ROCK1: variants seen among roughly 807,000 people sequenced by gnomAD.
ROCK1 encodes Rho associated coiled-coil containing protein kinase 1.
In ROCK1, 36 loss-of-function variants were observed where a neutral mutation model predicts 196.8. That is an observed-to-expected ratio of 0.18 (90% confidence interval 0.14 to 0.24). ROCK1 has a LOEUF of 0.24. Among genes scored for constraint, ROCK1 ranks in the 10% least tolerant of loss-of-function variants. The probability of loss-of-function intolerance (pLI) is 1.00; values close to 1 mark genes in which losing one functional copy is unlikely to be tolerated. For missense variants in ROCK1, 920 were observed against 1,562.0 expected (o/e 0.59, Z 6.93); for synonymous variants, 443 against 515.9 (o/e 0.86, Z 1.91).
chr18:20,979,678 C>T (rs774982871), intron 22 of ROCK1, among the ~76,000 whole-genome samples: 2 of 151,954 alleles, frequency 1.3e-5, no homozygotes, highest in Non-Finnish European at 2.9e-5. Context: ...AATTGTCAAA[C>T]CAACTTTTTG....
At chr18:20,992,308 C>T (rs2035633244) in intron 17 of ROCK1, among the ~76,000 whole-genome samples, 1 of 152,162 alleles carries the variant, frequency 6.6e-6, no homozygotes, top group South Asian at 2.1e-4. Flanking sequence ...AAAGTGACAG[C>T]TGTATCTCTA....
At chr18:21,078,031 C>T (rs1287805146) in intron 1 of ROCK1, among the ~76,000 whole-genome samples, 1 of 152,004 alleles carries the variant, frequency 6.6e-6, no homozygotes, top group Non-Finnish European at 1.5e-5. Flanking sequence ...CAGCCATCAG[C>T]AATAAAAAAC....
intron 13 of ROCK1, among the ~76,000 whole-genome samples, chr18:21,011,247 G>C (rs2035814594): frequency 2.0e-5 from 3 of 151,864 alleles, no homozygotes; most frequent in Admixed American, 6.6e-5. Flanking sequence ...TTTCTTTCCT[G>C]TCTTTCTGTG....
chr18:20,948,241 T>C lies in ROCK1; in HGVS notation c.*3143A>G, dbSNP rs1030685555. The C allele has an allele frequency of 6.6e-6, 1 of 152,168 alleles. No individual in the cohort carries two copies. Among genetic ancestry groups the C allele is most frequent in the Non-Finnish European group, 1.5e-5 (1 of 68,042 alleles). 9.4% of individuals were successfully genotyped at this position (152,168 alleles called of 1,614,324 possible). A position where few individuals can be genotyped will look rare whatever the true frequency, so the allele number is the denominator to read the frequency against. On this transcript the variant is annotated 3_prime_UTR_variant, in exon 33 of 33. Transcript: ENST00000399799. ...TATAAAGTTACAGTAATTAAAAGTG[T>C]GATATTGGCAAGGACACAGAAATAA...
At chr18:20,959,236 A>C (rs1274788228) in intron 29 of ROCK1, among the ~76,000 whole-genome samples, 1 of 100,152 alleles carries the variant, frequency 1.0e-5, no homozygotes, top group Non-Finnish European at 2.0e-5. Context: ...TTTGAGACAG[A>C]GTTTCGCTCT....
intron 2 of ROCK1, among the ~76,000 whole-genome samples, chr18:21,053,258 C>G (rs1331750757): frequency 6.6e-6 from 1 of 151,756 alleles, no homozygotes; most frequent in East Asian, 1.9e-4. Flanking sequence ...CACTCATACA[C>G]TTACATAACA....
chr18:21,106,312 C>CT (rs1303817886), intron 1 of ROCK1, among the ~76,000 whole-genome samples: 21 of 151,962 alleles, frequency 1.4e-4, no homozygotes, highest in East Asian at 1.9e-4. Flanking sequence ...TTTGTTTTTC[C>CT]TTTTTTTTGA....
In ROCK1 at chr18:21,042,586, A is replaced by C; in HGVS notation, c.799T>G (p.Phe267Val). The C allele has an allele frequency of 6.2e-7, 1 of 1,613,852 alleles. No individual in the cohort carries two copies. The highest frequency in any genetic ancestry group is 1.1e-5 in the South Asian group (1 of 91,056). ...RECDWWSVGV[F>V]LYEMLVGDTP... is the part of the protein sequence containing the mutation. ...TCACCTACAAGCATTTCGTATAAAA[A>C]TACCCCAACCGACCACCAGTCACAT... The change falls in exon 7 of 33, where the codon TTT becomes GTT. Residue 267 changes from phenylalanine to valine, a missense_variant. Transcript: ENST00000399799.
intron 16 of ROCK1, among the ~76,000 whole-genome samples, chr18:20,993,273 A>G (rs1399972331): frequency 6.6e-6 from 1 of 152,100 alleles, no homozygotes; most frequent in East Asian, 1.9e-4. Flanking sequence ...GCACAAGCTC[A>G]GCTCACTGCA....
chr18:21,056,500 G>A (rs182220459), intron 2 of ROCK1, among the ~76,000 whole-genome samples: 2 of 152,044 alleles, frequency 1.3e-5, no homozygotes, highest in African/African-American at 4.8e-5. Context: ...TCTGTAATCT[G>A]ATAGCTTCTC....
intron 17 of ROCK1, among the ~76,000 whole-genome samples, chr18:20,991,717 C>T (rs993122369): frequency 6.6e-6 from 1 of 152,026 alleles, no homozygotes; most frequent in Non-Finnish European, 1.5e-5. Flanking sequence ...TCACTGCAGC[C>T]TTGAACTCCT....
intron 1 of ROCK1, among the ~76,000 whole-genome samples, chr18:21,091,015 A>G (rs886632578): frequency 6.6e-6 from 1 of 151,906 alleles, no homozygotes; most frequent in African/African-American, 2.4e-5. Context: ...CTTAAACAAC[A>G]TGAGTTGGAA....
chr18:20,959,047 A>ATT (rs1555743125), intron 29 of ROCK1, among the ~76,000 whole-genome samples: 1 of 49,536 alleles, frequency 2.0e-5, no homozygotes, highest in African/African-American at 1.5e-4. Flanking sequence ...TATAATATAT[A>ATT]ATATATATAT....
rs112006560 is a variant in ROCK1 at position 21,111,337 on chromosome 18, G to A, written c.-427C>T. 0.01 allele frequency: 4,645 copies of A among 446,944 alleles called. 38 individuals carry two copies. The highest frequency in any genetic ancestry group is 0.014 in the Non-Finnish European group (3,666 of 255,264). 27.7% of individuals were successfully genotyped at this position (446,944 alleles called of 1,614,324 possible). ...GCAACAAGGGAGGGAGAAGAGGAAA[G>A]GCGAAAGCAAAGGGCGGGTGAGGAG... On this transcript the variant is annotated 5_prime_UTR_variant, in exon 1 of 33. Coordinates refer to ENST00000399799, the MANE Select transcript of ROCK1 (RefSeq NM_005406.3). The surrounding 1 kb of genome is among the most constrained non-coding windows in gnomAD (Gnocchi z 4.2).
intron 1 of ROCK1, among the ~76,000 whole-genome samples, chr18:21,087,172 A>T (rs1481714694): frequency 1.3e-5 from 2 of 152,190 alleles, no homozygotes; most frequent in Non-Finnish European, 2.9e-5. Flanking sequence ...AGCTATACAA[A>T]GACATATACA....
chr18:21,046,056 A>G (rs917400529), intron 4 of ROCK1, among the ~76,000 whole-genome samples: 11 of 151,900 alleles, frequency 7.2e-5, no homozygotes, highest in East Asian at 5.8e-4. Flanking sequence ...GACTACAGGC[A>G]CCCGCTACCA....
At chr18:21,040,202 GTGT>G (rs1392521139) in intron 8 of ROCK1, among the ~76,000 whole-genome samples, 1 of 152,156 alleles carries the variant, frequency 6.6e-6, no homozygotes, top group African/African-American at 2.4e-5. Context: ...TTGTGTGTGT[GTGT>G]TATTTTTTTC....
At chr18:20,963,083 C>G (rs1385590331) in intron 27 of ROCK1, among the ~76,000 whole-genome samples, 1 of 152,046 alleles carries the variant, frequency 6.6e-6, no homozygotes, top group African/African-American at 2.4e-5. Flanking sequence ...CTAAATGAAA[C>G]TCCCACTGAG....
rs2035134647 is a variant in ROCK1 at position 20,947,022 on chromosome 18, T to C, written c.*4362A>G. The C allele has an allele frequency of 6.6e-6, 1 of 152,246 alleles. No homozygotes were observed. The highest frequency in any genetic ancestry group is 6.5e-5 in the Admixed American group (1 of 15,280). The allele number at this position is 152,246 out of a possible 1,614,324, so 9.4% of individuals were successfully genotyped here. The stretch of plus-strand genomic sequence containing the variant: ...CAATCTTTGCATTATACACTTTATT[T>C]CTAAGCATTTATATTTTTTCCCTTG... On this transcript the variant is annotated 3_prime_UTR_variant, in exon 33 of 33. Coordinates refer to ENST00000399799, the MANE Select transcript of ROCK1 (RefSeq NM_005406.3).
Sources: allele counts gnomAD v4.1 joint callset (sites outside exome capture counted in the v4.1 genomes callset), GRCh38; gene constraint gnomAD v4.1.1; non-coding constraint Gnocchi (gnomAD v3.1); transcripts MANE v1.5; gene names NCBI Gene and HGNC (gene_info 2026-07-23, HGNC 2026-07-21).